STPG2: variants seen among roughly 807,000 people sequenced by gnomAD.
STPG2 encodes sperm-tail PG-rich repeat-containing protein 2.
STPG2 carries 56 observed loss-of-function variants against 54.2 expected under a neutral mutation model. The observed-to-expected ratio is 1.03, with a 90% CI of 0.83 to 1.29. The LOEUF (loss-of-function observed/expected upper bound fraction) is 1.29. Among genes scored for constraint, STPG2 ranks in the 50% most tolerant of loss-of-function variants. STPG2 has a pLI of 0.00. For missense variants in STPG2, 596 were observed against 544.9 expected (o/e 1.09, Z -0.93); for synonymous variants, 200 against 181.8 (o/e 1.10, Z -0.81).
chr4:98,007,646 A>G (rs962287922), intron 5 of STPG2, among the ~76,000 whole-genome samples: 21 of 152,186 alleles, frequency 1.4e-4, no homozygotes, highest in Non-Finnish European at 8.8e-5. Context: ...TAAAGAATTC[A>G]AAGTATTGAT....
At chr4:97,890,059 G>T (rs1730711457) in intron 8 of STPG2, among the ~76,000 whole-genome samples, 1 of 152,098 alleles carries the variant, frequency 6.6e-6, no homozygotes, top group Non-Finnish European at 1.5e-5. Flanking sequence ...CAGATTGGTG[G>T]CATAATTCTC....
At chr4:97,443,564 A>G (rs1729143310) in intron 4 of STPG2, among the ~76,000 whole-genome samples, 1 of 152,138 alleles carries the variant, frequency 6.6e-6, no homozygotes. Context: ...CTGACTTCCT[A>G]TTATTAGAAT....
At chr4:97,830,357 A>G (rs1190496338) in intron 9 of STPG2, among the ~76,000 whole-genome samples, 1 of 152,216 alleles carries the variant, frequency 6.6e-6, no homozygotes, top group Non-Finnish European at 1.5e-5. Flanking sequence ...CCTGCCTTAT[A>G]AGAGCTCCTG....
intron 5 of STPG2, among the ~76,000 whole-genome samples, chr4:98,019,654 G>C (rs1027153355): frequency 1.7e-4 from 25 of 148,174 alleles, no homozygotes; most frequent in Middle Eastern, 3.5e-3. Context: ...AATGAGCACG[G>C]AATATTCTTC....
intron 4 of STPG2, among the ~76,000 whole-genome samples, chr4:97,539,599 C>T (rs916878797): frequency 1.8e-4 from 27 of 152,124 alleles, no homozygotes; most frequent in South Asian, 2.1e-4. Flanking sequence ...TAATGGGAGA[C>T]GTTAACACCC....
At chr4:97,837,047 T>A (rs2149118111) in intron 9 of STPG2, among the ~76,000 whole-genome samples, 1 of 151,766 alleles carries the variant, frequency 6.6e-6, no homozygotes, top group East Asian at 1.9e-4. Context: ...TACCAAGATC[T>A]TCCCATGTTT....
intron 9 of STPG2, among the ~76,000 whole-genome samples, chr4:97,758,379 C>T (rs1477316342): frequency 6.6e-6 from 1 of 151,968 alleles, no homozygotes. Context: ...ACCCAAATGC[C>T]CATCAATGAT....
chr4:97,733,335 G>A (rs1314704079), intron 9 of STPG2, among the ~76,000 whole-genome samples: 1 of 152,038 alleles, frequency 6.6e-6, no homozygotes, highest in Non-Finnish European at 1.5e-5. Flanking sequence ...AAATAACACA[G>A]GAGTGGAAAA....
At chr4:98,119,144 T>G (rs976388005) in intron 3 of STPG2, among the ~76,000 whole-genome samples, 1 of 152,086 alleles carries the variant, frequency 6.6e-6, no homozygotes, top group African/African-American at 2.4e-5. Flanking sequence ...CTATTTAGTC[T>G]TAAAGTAATC....
intron 5 of STPG2, among the ~76,000 whole-genome samples, chr4:98,020,876 A>G (rs1413482115): frequency 1.3e-5 from 2 of 151,954 alleles, no homozygotes; most frequent in African/African-American, 4.8e-5. Context: ...CCCCTTTATC[A>G]TTTTTTATTG....
intron 9 of STPG2, among the ~76,000 whole-genome samples, chr4:97,731,389 A>C (rs1724790889): frequency 6.6e-6 from 1 of 152,052 alleles, no homozygotes; most frequent in African/African-American, 2.4e-5. Context: ...TATTACACTT[A>C]AGAGTAAGGG....
At chr4:97,597,682 AT>A (rs201613730) in intron 10 of STPG2, among the ~76,000 whole-genome samples, 1,910 of 152,292 alleles carry the variant, frequency 0.013, 36 homozygotes, top group African/African-American at 0.044. Flanking sequence ...AAAATTCAAC[AT>A]CCCTTCATGT....
chr4:97,824,273 C>T (rs1273381338), intron 9 of STPG2, among the ~76,000 whole-genome samples: 2 of 152,118 alleles, frequency 1.3e-5, no homozygotes, highest in African/African-American at 4.8e-5. Context: ...GCAGGCAATG[C>T]TTTTCTCCCT....
At chr4:97,534,374 T>G (rs1192537475) in intron 4 of STPG2, among the ~76,000 whole-genome samples, 1 of 152,120 alleles carries the variant, frequency 6.6e-6, no homozygotes, top group Non-Finnish European at 1.5e-5. Context: ...ACACATCTTC[T>G]CCTATGTCTT....
chr4:98,074,214 T>C (rs1738087581), intron 5 of STPG2, among the ~76,000 whole-genome samples: 1 of 152,218 alleles, frequency 6.6e-6, no homozygotes, highest in Admixed American at 6.5e-5. Context: ...TCTCTGGGTA[T>C]AAAATGATAA....
intron 10 of STPG2, among the ~76,000 whole-genome samples, chr4:97,646,327 T>G (rs886870105): frequency 6.6e-6 from 1 of 152,292 alleles, no homozygotes; most frequent in Middle Eastern, 3.4e-3. Context: ...TAGTTGCATG[T>G]TATCTTCTCA....
intron 6 of STPG2, 98 bp downstream of exon 6, chr4:97,981,061 C>T (rs567995463): frequency 7.5e-7 from 1 of 1,335,564 alleles, no homozygotes; most frequent in African/African-American, 1.5e-5. Context: ...AACCATAGGA[C>T]AAAAAAGAAA....
At chr4:97,894,315 A>G (rs993574082) in intron 8 of STPG2, among the ~76,000 whole-genome samples, 3 of 151,996 alleles carry the variant, frequency 2.0e-5, no homozygotes, top group Non-Finnish European at 4.4e-5. Flanking sequence ...ACATTAAAAT[A>G]TTACAATTTT....
At chr4:97,986,179 A>G (rs762047239) in intron 5 of STPG2, among the ~76,000 whole-genome samples, 5 of 152,166 alleles carry the variant, frequency 3.3e-5, no homozygotes, top group Non-Finnish European at 7.3e-5. Flanking sequence ...GGTGTCTCTT[A>G]AGTACAATAA....
Sources: allele counts gnomAD v4.1 joint callset (sites outside exome capture counted in the v4.1 genomes callset), GRCh38; gene constraint gnomAD v4.1.1; transcripts MANE v1.5; gene names NCBI Gene and HGNC (gene_info 2026-07-23, HGNC 2026-07-21).